JMJD1C: variants seen among roughly 807,000 people sequenced by gnomAD.
JMJD1C encodes jumonji domain-containing protein 1C.
In JMJD1C, 31 loss-of-function variants were observed where a neutral mutation model predicts 245.3. The observed-to-expected ratio is 0.13, with a 90% CI of 0.09 to 0.17. The LOEUF (loss-of-function observed/expected upper bound fraction) is 0.17, where lower values mean the gene tolerates loss of function less well. Among genes scored for constraint, JMJD1C ranks in the 10% least tolerant of loss-of-function variants. JMJD1C has a pLI of 1.00. For missense variants in JMJD1C, 2,691 were observed against 3,000.2 expected, an observed-to-expected ratio of 0.90 and a Z score of 2.41; for synonymous variants, 1,057 against 1,017.4, an observed-to-expected ratio of 1.04 and a Z score of -0.74.
At chr10:63,347,787 A>G (rs1047516442) in intron 2 of JMJD1C, among the ~76,000 whole-genome samples, 1 of 151,426 alleles carries the variant, frequency 6.6e-6, no homozygotes. Context: ...TGGTGTGGGC[A>G]CCTGTAATCC....
chr10:63,380,301 A>G lies in JMJD1C; in HGVS notation c.333+17T>C, dbSNP rs753498463. ...CGAACAAATGAAAATGCTTAATGAA[A>G]CAGGAATAGATCTTACCAATGCAGG... On this transcript the variant is annotated intron_variant, in intron 2 of 25. Transcript: ENST00000399262. 6.2e-7 allele frequency: 1 copy of G among 1,612,600 alleles called. No homozygotes were observed. Among genetic ancestry groups the G allele is most frequent in the South Asian group, 1.1e-5 (1 of 91,050 alleles).
chr10:63,424,270 T>C (rs1950300417), intron 1 of JMJD1C, among the ~76,000 whole-genome samples: 1 of 151,522 alleles, frequency 6.6e-6, no homozygotes, highest in African/African-American at 2.4e-5. Flanking sequence ...TCTCGCCATA[T>C]TGCCCACGCT....
intron 2 of JMJD1C, among the ~76,000 whole-genome samples, chr10:63,332,956 C>T (rs558949574): frequency 1.2e-4 from 18 of 152,070 alleles, no homozygotes; most frequent in African/African-American, 3.6e-4. Context: ...ACAATACATA[C>T]CATGAATAAC....
At chr10:63,460,119 C>T (rs973095411) in intron 1 of JMJD1C, among the ~76,000 whole-genome samples, 3 of 152,130 alleles carry the variant, frequency 2.0e-5, no homozygotes, top group South Asian at 2.1e-4. Flanking sequence ...AAAATCATGG[C>T]CCATCCTGTA....
chr10:63,327,702 C>T (rs1486041348), intron 2 of JMJD1C, among the ~76,000 whole-genome samples: 2 of 150,972 alleles, frequency 1.3e-5, no homozygotes, highest in South Asian at 4.2e-4. Context: ...GAGTTTCGCT[C>T]TTGTTCCCCA....
intron 1 of JMJD1C, among the ~76,000 whole-genome samples, chr10:63,504,745 T>C (rs750411439): frequency 1.2e-4 from 18 of 152,092 alleles, no homozygotes; most frequent in Non-Finnish European, 2.1e-4. Context: ...AGGTCAATAA[T>C]AGAAATAGGG....
At chr10:63,514,534 A>T (rs1954959723) in intron 1 of JMJD1C, among the ~76,000 whole-genome samples, 1 of 152,180 alleles carries the variant, frequency 6.6e-6, no homozygotes, top group African/African-American at 2.4e-5. Context: ...GGAACAGAAA[A>T]CCAAATACTG....
intron 10 of JMJD1C, chr10:63,203,636 T>C: frequency 1.0e-6 from 1 of 973,180 alleles, no homozygotes; most frequent in Admixed American, 6.2e-5. Flanking sequence ...AAATAAAACA[T>C]AAAAATTAGT....
At chr10:63,456,239 C>T (rs1364453989) in intron 1 of JMJD1C, among the ~76,000 whole-genome samples, 3 of 151,890 alleles carry the variant, frequency 2.0e-5, no homozygotes, top group South Asian at 2.1e-4. Flanking sequence ...ACAGTGGAAA[C>T]GCTCTAAAAT....
rs1856944082 is a variant in JMJD1C at position 63,277,731 on chromosome 10, C to CTTTCTTTTTTT, written c.334-12968_334-12967insAAAAAAAGAAA. 3.1e-5 allele frequency among the ~76,000 whole-genome samples: 2 copies of CTTTCTTTTTTT among 64,262 alleles called. 1 individual carries two copies. The highest frequency in any genetic ancestry group is 1.4e-3 in the South Asian group (2 of 1,438). The allele number at this position is 64,262 out of a possible 152,430, so 42.2% of individuals were successfully genotyped here. ...TATTCATTGAGAGTAATTTGCATTT[C>CTTTCTTTTTTT]TTTTTTTTTTTTTTTTTTTTTTTTG... On this transcript the variant is annotated intron_variant, in intron 2 of 25. Transcript: ENST00000399262.
intron 23 of JMJD1C, chr10:63,177,172 G>C (rs1434981355): frequency 6.5e-6 from 1 of 153,158 alleles, no homozygotes; most frequent in African/African-American, 2.4e-5. Context: ...CCTGAGCAAA[G>C]GGTTTCAACC....
intron 2 of JMJD1C, among the ~76,000 whole-genome samples, chr10:63,329,698 T>G (rs1472739739): frequency 6.6e-6 from 1 of 152,230 alleles, no homozygotes; most frequent in Non-Finnish European, 1.5e-5. Flanking sequence ...ACACATTCAG[T>G]AGAAATCATA....
At chr10:63,306,555 A>G (rs1938266267) in intron 2 of JMJD1C, among the ~76,000 whole-genome samples, 2 of 152,238 alleles carry the variant, frequency 1.3e-5, no homozygotes, top group African/African-American at 4.8e-5. Context: ...TGACTGTGAC[A>G]TCACTTAAAC....
intron 1 of JMJD1C, among the ~76,000 whole-genome samples, chr10:63,440,243 G>C (rs548968619): frequency 1.3e-5 from 2 of 151,828 alleles, no homozygotes; most frequent in African/African-American, 4.8e-5. Flanking sequence ...GCTGAGGCAG[G>C]AGAATCGCTT....
intron 22 of JMJD1C, among the ~76,000 whole-genome samples, chr10:63,179,339 G>A (rs1479378605): frequency 6.6e-6 from 1 of 151,808 alleles, no homozygotes; most frequent in Admixed American, 6.6e-5. Context: ...AACCCAGGAG[G>A]TGGAGGTTAC....
rs184149007 is a variant in JMJD1C, at chr10:63,388,914, G to C, written c.169-8432C>G. The stretch of plus-strand genomic sequence containing the variant: ...ATTAAACAGTCAAAAGCAGTAAAAG[G>C]AGACAAGGTAATTATATAACGATAA... On this transcript the variant is annotated intron_variant, in intron 1 of 25. Transcript: ENST00000399262. Among the ~76,000 whole-genome samples, 11 of 152,252 alleles carry C rather than the reference G, an allele frequency of 7.2e-5. No individual in the cohort carries two copies. The East Asian group carries it at 1.9e-3, about 27-fold the overall frequency.
chr10:63,434,147 T>C (rs1207156905), intron 1 of JMJD1C, among the ~76,000 whole-genome samples: 1 of 152,154 alleles, frequency 6.6e-6, no homozygotes, highest in Non-Finnish European at 1.5e-5. Flanking sequence ...ATCTATTGGG[T>C]ACCCAACATG....
At chr10:63,262,298 TC>T (rs1854877349) in intron 3 of JMJD1C, among the ~76,000 whole-genome samples, 2 of 152,286 alleles carry the variant, frequency 1.3e-5, no homozygotes, top group African/African-American at 4.8e-5. Flanking sequence ...AATTTTTTTT[TC>T]TTCTTTCTAG....
At chr10:63,411,643 T>A (rs1257061983) in intron 1 of JMJD1C, among the ~76,000 whole-genome samples, 1 of 140,274 alleles carries the variant, frequency 7.1e-6, no homozygotes, top group Non-Finnish European at 1.5e-5. Flanking sequence ...TACTCTGTTG[T>A]CCAGGCTGGA....
Sources: gnomAD v4.1 joint callset for allele counts (sites outside exome capture counted in the v4.1 genomes callset) on GRCh38, gnomAD v4.1.1 for gene constraint, MANE v1.5 for transcripts, NCBI Gene and HGNC (gene_info 2026-07-23, HGNC 2026-07-21) for gene names.